MDH2: variants seen among roughly 807,000 people sequenced by gnomAD.
MDH2 encodes malate dehydrogenase, mitochondrial.
MDH2 carries 25 observed loss-of-function variants against 33.6 expected under a neutral mutation model. The ratio of observed to expected loss-of-function variants is 0.74; its 90% CI spans 0.54 to 1.04. The LOEUF is 1.04. Ranked by LOEUF, MDH2 falls within the 50% of genes least tolerant of loss-of-function variation. The pLI is 0.00. For synonymous variants in MDH2, 193 were observed against 188.7 expected (o/e 1.02, Z -0.19); for missense variants, 432 against 445.0 (o/e 0.97, Z 0.26).
At chr7:76,052,515 G>A (rs959286474) in intron 1 of MDH2, among the ~76,000 whole-genome samples, 5 of 150,866 alleles carry the variant, frequency 3.3e-5, no homozygotes, top group African/African-American at 7.3e-5. Context: ...ACTCCCCTGT[G>A]GAACCACTGC....
intron 1 of MDH2, among the ~76,000 whole-genome samples, chr7:76,052,648 G>A (rs930658451): frequency 1.3e-5 from 2 of 150,878 alleles, no homozygotes; most frequent in Non-Finnish European, 1.5e-5. Context: ...GGGTTCAAGC[G>A]ATTCTCCTGT....
intron 8 of MDH2, 110 bp downstream of exon 8, chr7:76,065,063 C>G (rs574135730): frequency 7.8e-7 from 1 of 1,286,902 alleles, no homozygotes; most frequent in Non-Finnish European, 1.1e-6. Context: ...ATGTGCCTGC[C>G]TGGCGAGTGC....
In MDH2 at chr7:76,054,834, ATGCTAAAGTAGCTG is replaced by A; in HGVS notation, c.77_90del (p.Lys26ArgfsTer27). On this transcript the variant is annotated frameshift_variant, in exon 2 of 9. Transcript: ENST00000315758. LOFTEE classifies it high-confidence loss of function. Reference sequence around the variant, plus strand: ...TTTCTCTGTGCCTCTTTTTAGAACAATGCTAAAGTAGCTGTGCTAGGGGCCTCTGGAGGCATCGG... The same window carrying A: ...TTTCTCTGTGCCTCTTTTTAGAACAATGCTAGGGGCCTCTGGAGGCATCGG... The A allele has an allele frequency of 6.2e-7, 1 of 1,613,984 alleles. No homozygotes were observed. Among genetic ancestry groups the A allele is most frequent in the Non-Finnish European group, 8.5e-7 (1 of 1,179,946 alleles).
intron 1 of MDH2, among the ~76,000 whole-genome samples, chr7:76,053,857 G>C (rs1239026135): frequency 6.6e-6 from 1 of 152,180 alleles, no homozygotes; most frequent in Non-Finnish European, 1.5e-5. Context: ...GTGAGACCTA[G>C]AGGGGAAGAG....
intron 1 of MDH2, among the ~76,000 whole-genome samples, chr7:76,052,778 T>C (rs1554585665): frequency 6.6e-6 from 1 of 152,072 alleles, no homozygotes; most frequent in East Asian, 1.9e-4. Context: ...AGTCCTGACT[T>C]AAGGTGATCC....
At chr7:76,059,870 C>T (rs1480585045) in intron 4 of MDH2, among the ~76,000 whole-genome samples, 1 of 152,158 alleles carries the variant, frequency 6.6e-6, no homozygotes, top group Non-Finnish European at 1.5e-5. Flanking sequence ...CAGCACTCGC[C>T]GTGTGTGAAG....
At chr7:76,054,769 CATGTGAATCCT>C in intron 1 of MDH2, 50 bp from the exon 2 acceptor site, 1 of 1,587,604 alleles carries the variant, frequency 6.3e-7, no homozygotes, top group Non-Finnish European at 8.6e-7. Flanking sequence ...TATAGGATAC[CATGTGAATCCT>C]TTTCATGCTC....
At chr7:76,061,349 G>A (rs1554586966) in intron 5 of MDH2, among the ~76,000 whole-genome samples, 1 of 152,202 alleles carries the variant, frequency 6.6e-6, no homozygotes, top group Non-Finnish European at 1.5e-5. Flanking sequence ...ATGCCCCACT[G>A]TAACAGACAT....
At position 76,056,110 on chromosome 7, in the gene MDH2, G is replaced by A. The variant is rs550712114; in HGVS notation, c.235+1112G>A. 1.4e-4 allele frequency among the ~76,000 whole-genome samples: 21 copies of A among 152,272 alleles called. No individual in the cohort carries two copies. The South Asian group carries it at 3.7e-3, about 27-fold the overall frequency. ...CCCAAAGTGCTGGGATTACAGGCATGAGCAACTGCGCCCAGCCCGAATTCT... is the reference window on the plus strand; with the variant it reads ...CCCAAAGTGCTGGGATTACAGGCATAAGCAACTGCGCCCAGCCCGAATTCT... On this transcript the variant is annotated intron_variant, in intron 2 of 8. Transcript: ENST00000315758.
intron 5 of MDH2, among the ~76,000 whole-genome samples, chr7:76,063,273 C>T (rs1554587260): frequency 2.0e-5 from 3 of 152,214 alleles, no homozygotes; most frequent in Admixed American, 6.5e-5. Context: ...GAAGGACTTG[C>T]GATGGCCTCG....
At chr7:76,055,157 C>T (rs1326258524) in intron 2 of MDH2, among the ~76,000 whole-genome samples, 159 bp downstream of exon 2, 5 of 152,202 alleles carry the variant, frequency 3.3e-5, no homozygotes, top group South Asian at 4.2e-4. Context: ...TTAGACTTGG[C>T]GTCTATAAAA....
At chr7:76,060,664 T>C (rs1288159113) in intron 5 of MDH2, among the ~76,000 whole-genome samples, 166 bp downstream of exon 5, 1 of 152,062 alleles carries the variant, frequency 6.6e-6, no homozygotes, top group Admixed American at 6.6e-5. Flanking sequence ...CCCCTGTGTT[T>C]CCTGTGGGTT....
rs1554587599 is a variant in MDH2, at chr7:76,064,850, C to T, written c.782C>T (p.Ser261Phe). ...TATGCCGGCGCCCGCTTTGTCTTCT[C>T]CCTTGTGGATGCAATGAATGGAAAG... ...MAYAGARFVFSLVDAMNGKEG... is the reference protein window; with the variant it reads ...MAYAGARFVFFLVDAMNGKEG... Residue 261 changes from serine (S) to phenylalanine (F), a missense_variant, in exon 8 of 9, where the codon TCC becomes TTC. Physicochemically the swap from Ser to Phe is radical, Grantham distance 155 (BLOSUM62 -2). Coordinates refer to ENST00000315758, the MANE Select transcript of MDH2 (RefSeq NM_005918.4). 1.2e-6 allele frequency: 2 copies of T among 1,614,170 alleles called. No individual in the cohort carries two copies. Among genetic ancestry groups the T allele is most frequent in the Admixed American group, 1.7e-5 (1 of 60,024 alleles).
At chr7:76,052,209 A>G (rs1204492559) in intron 1 of MDH2, among the ~76,000 whole-genome samples, 1 of 152,132 alleles carries the variant, frequency 6.6e-6, no homozygotes, top group East Asian at 1.9e-4. Context: ...CAGTCTGGGC[A>G]TGGTAGCTTA....
intron 4 of MDH2, among the ~76,000 whole-genome samples, chr7:76,059,792 G>A (rs1797893022): frequency 6.6e-6 from 1 of 152,184 alleles, no homozygotes; most frequent in Admixed American, 6.5e-5. Context: ...CCCTTTGTTG[G>A]GGAGCTAACC....
intron 1 of MDH2, among the ~76,000 whole-genome samples, chr7:76,051,501 A>G (rs2116649198): frequency 6.6e-6 from 1 of 151,778 alleles, no homozygotes; most frequent in South Asian, 2.1e-4. Flanking sequence ...TTGTATTTTT[A>G]GTAGAGACAG....
At chr7:76,060,565 C>T (rs1563550469) in intron 5 of MDH2, 67 bp downstream of exon 5, 19 of 1,590,630 alleles carry the variant, frequency 1.2e-5, no homozygotes, top group African/African-American at 1.3e-5. Flanking sequence ...TGCTCATTTA[C>T]GGGCGTGGAA....
At position 76,066,288 on chromosome 7, in the gene MDH2, A is replaced by G; in HGVS notation, c.895A>G (p.Ile299Val). The G allele has an allele frequency of 6.2e-7, 1 of 1,609,000 alleles. No individual in the cohort carries two copies. Among genetic ancestry groups the G allele is most frequent in the Non-Finnish European group, 8.5e-7 (1 of 1,177,626 alleles). The stretch of plus-strand genomic sequence containing the variant: ...TTCCCATCTCCCTCAGAAAAAGGGC[A>G]TCGAGAAGAACCTGGGCATCGGCAA... ...STPLLLGKKG[I>V]EKNLGIGKVS... Residue 299 changes from isoleucine to valine, a missense_variant, in exon 9 of 9, where the codon ATC becomes GTC. By Grantham distance (29) the Ile-to-Val change is conservative (BLOSUM62 3). Transcript: ENST00000315758.
chr7:76,060,586 C>T, intron 5 of MDH2, 88 bp downstream of exon 5: 1 of 1,548,896 alleles, frequency 6.5e-7, no homozygotes, highest in South Asian at 1.2e-5. Flanking sequence ...GACATGAAGG[C>T]ATGCCCAGGT....
Sources: allele counts gnomAD v4.1 joint callset (sites outside exome capture counted in the v4.1 genomes callset), GRCh38; gene constraint gnomAD v4.1.1; transcripts MANE v1.5; gene names NCBI Gene and HGNC (gene_info 2026-07-23, HGNC 2026-07-21).